CPT1A: variants seen among roughly 807,000 people sequenced by gnomAD.
The protein encoded by CPT1A is carnitine O-palmitoyltransferase 1, liver isoform.
A neutral mutation model predicts 100.8 loss-of-function variants in CPT1A; 64 were observed. That is an observed-to-expected ratio of 0.63 (90% confidence interval 0.52 to 0.78). CPT1A has a LOEUF of 0.78. Among genes scored for constraint, CPT1A ranks in the 30% least tolerant of loss-of-function variants. CPT1A has a pLI of 0.00. For synonymous variants in CPT1A, 363 were observed against 396.0 expected (o/e 0.92, Z 0.99); for missense variants, 802 against 1,034.1 (o/e 0.78, Z 3.08).
chr11:68,824,961 G>A (rs1856684774), intron 1 of CPT1A, among the ~76,000 whole-genome samples: 1 of 152,042 alleles, frequency 6.6e-6, no homozygotes. Context: ...ACTGCACCCA[G>A]CTGATTTTTG....
chr11:68,825,242 TCTC>T (rs1856693967), intron 1 of CPT1A, among the ~76,000 whole-genome samples: 1 of 152,086 alleles, frequency 6.6e-6, no homozygotes, highest in African/African-American at 2.4e-5. Flanking sequence ...ACATTTGAGA[TCTC>T]CTGATGTTTT....
chr11:68,816,006 CCCTG>C (rs1329712114), intron 1 of CPT1A, among the ~76,000 whole-genome samples: 1 of 152,082 alleles, frequency 6.6e-6, no homozygotes, highest in Non-Finnish European at 1.5e-5. Flanking sequence ...CCAACCCTGG[CCCTG>C]GACGTCCCCC....
Position 68,757,534 on chromosome 11 carries a change from GT to G in CPT1A, c.*109del, listed in dbSNP as rs1566336220. The G allele has an allele frequency of 3.2e-6, 5 of 1,565,616 alleles. No homozygotes were observed. The highest frequency in any genetic ancestry group is 1.2e-5 in the South Asian group (1 of 85,650). On this transcript the variant is annotated 3_prime_UTR_variant, in exon 19 of 19. Transcript: ENST00000265641. Reference sequence around the variant, plus strand: ...CCACATTTTCTGGAAGGAAAACTGAGTTTTTTTAAGAGCAGTGTTTCATCCC... The same window carrying G: ...CCACATTTTCTGGAAGGAAAACTGAGTTTTTTAAGAGCAGTGTTTCATCCC...
chr11:68,797,846 C>T (rs571275729), intron 6 of CPT1A, among the ~76,000 whole-genome samples: 15 of 152,146 alleles, frequency 9.9e-5, no homozygotes, highest in South Asian at 2.1e-4. Flanking sequence ...GGTGTGGTGG[C>T]GGGTGCCTGT....
At position 68,794,997 on chromosome 11, in the gene CPT1A, A is replaced by T. The variant is rs938038604; in HGVS notation, c.772-86T>A. 3.9e-6 allele frequency: 4 copies of T among 1,021,090 alleles called. No individual in the cohort carries two copies. The African/African-American group carries it at 4.7e-5, about 12-fold the overall frequency. 63.3% of individuals were successfully genotyped at this position (1,021,090 alleles called of 1,614,324 possible). A position where few individuals can be genotyped will look rare whatever the true frequency, so the allele number is the denominator to read the frequency against. ...CACAGCACATCCTGCACACTGTCACAATATTTCTAGAGATGCATCAATATA... is the reference window on the plus strand; with the variant it reads ...CACAGCACATCCTGCACACTGTCACTATATTTCTAGAGATGCATCAATATA... On this transcript the variant is annotated intron_variant, in intron 7 of 18. Transcript: ENST00000265641.
intron 12 of CPT1A, among the ~76,000 whole-genome samples, chr11:68,775,824 C>T (rs900703110): frequency 6.6e-6 from 1 of 152,204 alleles, no homozygotes; most frequent in Non-Finnish European, 1.5e-5. Context: ...CTTGCCCTTC[C>T]TTAAAAAGTG....
At chr11:68,782,067 G>T in intron 10 of CPT1A, 108 bp from the exon 11 acceptor site, 1 of 1,086,642 alleles carries the variant, frequency 9.2e-7, no homozygotes. Flanking sequence ...ATTTCTCGAA[G>T]GAAAACTCCA....
intron 14 of CPT1A, among the ~76,000 whole-genome samples, 159 bp downstream of exon 14, chr11:68,773,106 C>T (rs1855036992): frequency 6.6e-6 from 1 of 152,172 alleles, no homozygotes; most frequent in African/African-American, 2.4e-5. Context: ...CGTGGTGAAA[C>T]ACCCAACGCC....
chr11:68,761,595 G>A lies in CPT1A; in HGVS notation c.1968C>T (p.His656=). 1.2e-6 allele frequency: 2 copies of A among 1,614,048 alleles called. No individual in the cohort carries two copies. Among genetic ancestry groups the A allele is most frequent in the African/African-American group, 1.3e-5 (1 of 75,000 alleles). ...LAMTGSGIDR[H]LFCLYVVSKY... is the part of the protein sequence containing the mutation. ...TAGACACCACGTAAAGGCAGAAGAG[G>A]TGACGATCGATCCCAGAGCCGGTCA... The change falls in exon 16 of 19, where the codon CAC becomes CAT. Residue 656 remains histidine (H), a synonymous_variant. Transcript: ENST00000265641.
chr11:68,762,799 T>C (rs371188092), intron 14 of CPT1A, 38 bp from the exon 15 acceptor site: 32 of 1,613,062 alleles, frequency 2.0e-5, no homozygotes, highest in Non-Finnish European at 4.2e-6. Flanking sequence ...CGGCAGGGCA[T>C]GCTGATATGT....
chr11:68,757,839 C>T, intron 18 of CPT1A, 109 bp from the exon 19 acceptor site: 1 of 941,644 alleles, frequency 1.1e-6, no homozygotes, highest in Non-Finnish European at 1.7e-6. Context: ...TTCCTTTCTG[C>T]CAGTTCTCTA....
At position 68,841,111 on chromosome 11, in the gene CPT1A, C is replaced by T. The variant is rs929672991; in HGVS notation, c.-14+664G>A. ...GCGAGGGCGGGCATGGGGAGGGGGA[C>T]CGGGGAGACGGACGCTGGGATGGGG... is the stretch of plus-strand genomic sequence containing the variant. On this transcript the variant is annotated intron_variant, in intron 1 of 18. Coordinates refer to ENST00000265641, the MANE Select transcript of CPT1A (RefSeq NM_001876.4). The surrounding 1 kb of genome is among the most constrained non-coding windows in gnomAD (Gnocchi z 6.3). 5.9e-5 allele frequency among the ~76,000 whole-genome samples: 9 copies of T among 152,224 alleles called. No homozygotes were observed. Among genetic ancestry groups the T allele is most frequent in the African/African-American group, 2.2e-4 (9 of 41,462 alleles).
rs778479378 is a variant in CPT1A at position 68,807,533 on chromosome 11, C to T, written c.387G>A (p.Leu129=). The change falls in exon 4 of 19, where the codon CTG becomes CTA. Residue 129 remains leucine (L), a synonymous_variant. Transcript: ENST00000265641. ...TGAACATCCACCCGTGGTAGGAGAG[C>T]AGCACTTTCAGGGAGTAGCGCATGG... The part of the protein sequence containing the change: ...IVTMRYSLKV[L]LSYHGWMFTE... 3.7e-6 allele frequency: 6 copies of T among 1,614,088 alleles called. No individual in the cohort carries two copies. In the South Asian group the frequency reaches 6.6e-5, roughly 18 times the overall value.
chr11:68,816,216 C>T (rs11228364), intron 1 of CPT1A, among the ~76,000 whole-genome samples: 15,196 of 152,260 alleles, frequency 0.1, 770 homozygotes, highest in Non-Finnish European at 0.11. Flanking sequence ...GAACTTCGAG[C>T]GCAGATCAAT....
In CPT1A at chr11:68,765,080, C is replaced by T. The variant is rs892669693; in HGVS notation, c.1741-2319G>A. Among the ~76,000 whole-genome samples, 4 of 152,244 alleles carry T rather than the reference C, an allele frequency of 2.6e-5. No homozygotes were observed. The East Asian group carries it at 5.8e-4, about 22-fold the overall frequency. On this transcript the variant is annotated intron_variant, in intron 14 of 18. Coordinates refer to ENST00000265641, the MANE Select transcript of CPT1A (RefSeq NM_001876.4). ...CTGCTTCCCATGCTGATAGCAAACG[C>T]GCCTTTCAGAGCCCTTCCCGCATCT...
chr11:68,768,636 C>T (rs369994813), intron 14 of CPT1A, among the ~76,000 whole-genome samples: 2 of 151,608 alleles, frequency 1.3e-5, no homozygotes, highest in East Asian at 3.9e-4. Flanking sequence ...GAACTCCTGA[C>T]CTCAAGTGAT....
chr11:68,801,629 GA>G (rs746559700), intron 5 of CPT1A, among the ~76,000 whole-genome samples: 127 of 125,678 alleles, frequency 1.0e-3, no homozygotes, highest in African/African-American at 1.1e-3. Flanking sequence ...GACTCTGTCT[GA>G]AAAAAAAAAA....
intron 1 of CPT1A, among the ~76,000 whole-genome samples, chr11:68,825,564 AACAGTCACCACCTGC>A (rs1328176222): frequency 6.6e-6 from 1 of 152,124 alleles, no homozygotes; most frequent in Non-Finnish European, 1.5e-5. Flanking sequence ...GAAATACCTG[AACAGTCACCACCTGC>A]TTGCCCAACC....
In CPT1A at chr11:68,812,610, C is replaced by T; in HGVS notation, c.142-34G>A. 4 of 1,613,418 alleles carry T rather than the reference C, an allele frequency of 2.5e-6. No homozygotes were observed. In the South Asian group the frequency reaches 4.4e-5, roughly 18 times the overall value. On this transcript the variant is annotated intron_variant, in intron 2 of 18. Transcript: ENST00000265641. ...AGACACCCGGGCCGTGAGCGGTGTC[C>T]TCCCACAACCCACAGGGCAATGACG...
Sources: gnomAD v4.1 joint callset for allele counts (sites outside exome capture counted in the v4.1 genomes callset) on GRCh38, gnomAD v4.1.1 for gene constraint, Gnocchi (gnomAD v3.1) non-coding constraint, MANE v1.5 for transcripts, NCBI Gene and HGNC (gene_info 2026-07-23, HGNC 2026-07-21) for gene names.